PRIM2: variants seen among roughly 807,000 people sequenced by gnomAD.
The protein encoded by PRIM2 is DNA primase large subunit.
A neutral mutation model predicts 67.3 loss-of-function variants in PRIM2; 39 were observed. That is an observed-to-expected ratio of 0.58 (90% CI 0.45 to 0.76). The LOEUF is 0.76. PRIM2 is among the 30% of genes least tolerant of loss of function. PRIM2 has a pLI of 0.00. For synonymous variants in PRIM2, 143 were observed against 198.7 expected (o/e 0.72, Z 2.36); for missense variants, 398 against 598.7 (o/e 0.66, Z 3.50).
At chr6:57,452,142 C>T (rs1257805253) in intron 7 of PRIM2, among the ~76,000 whole-genome samples, 4 of 152,144 alleles carry the variant, frequency 2.6e-5, no homozygotes, top group East Asian at 1.9e-4. Flanking sequence ...CATAGTATTC[C>T]GTGGTATATA....
chr6:57,578,371 C>T (rs1231655041), intron 10 of PRIM2, among the ~76,000 whole-genome samples: 1 of 152,044 alleles, frequency 6.6e-6, no homozygotes, highest in Non-Finnish European at 1.5e-5. Flanking sequence ...GTCATCCCTC[C>T]ATGGATCTTG....
At chr6:57,543,799 G>A (rs1775229163) in intron 10 of PRIM2, among the ~76,000 whole-genome samples, 1 of 151,980 alleles carries the variant, frequency 6.6e-6, no homozygotes, top group East Asian at 1.9e-4. Flanking sequence ...ACTTAATGTT[G>A]GAGGGGAATG....
intron 3 of PRIM2, among the ~76,000 whole-genome samples, chr6:57,323,963 T>C (rs950126584): frequency 6.6e-6 from 1 of 151,924 alleles, no homozygotes; most frequent in African/African-American, 2.4e-5. Flanking sequence ...GTGTCGCTTG[T>C]AGTCCCAGCT....
At chr6:57,606,574 A>C (rs1776566671) in intron 12 of PRIM2, 117 bp downstream of exon 12, 2 of 624,922 alleles carry the variant, frequency 3.2e-6, no homozygotes, top group African/African-American at 3.7e-5. Flanking sequence ...CACACCAGAC[A>C]TCTTATCTTC....
At chr6:57,603,726 T>C (rs1776512482) in intron 11 of PRIM2, among the ~76,000 whole-genome samples, 1 of 151,530 alleles carries the variant, frequency 6.6e-6, no homozygotes, top group Non-Finnish European at 1.5e-5. Flanking sequence ...AAAAATGACA[T>C]TGGTAGTTTG....
At chr6:57,629,150 A>G (rs1217966704) in intron 12 of PRIM2, among the ~76,000 whole-genome samples, 1 of 152,184 alleles carries the variant, frequency 6.6e-6, no homozygotes, top group Admixed American at 6.5e-5. Context: ...CATATTGGAA[A>G]AATTTAACAA....
chr6:57,639,945 T>A lies in PRIM2; in HGVS notation c.1300-5983T>A, dbSNP rs1477929016. 1.4e-3 allele frequency among the ~76,000 whole-genome samples: 212 copies of A among 151,890 alleles called. 5 individuals carry two copies. The South Asian group carries it at 0.042, about 30-fold the overall frequency. On this transcript the variant is annotated intron_variant, in intron 13 of 13. Coordinates refer to ENST00000615550, the MANE Select transcript of PRIM2 (RefSeq NM_000947.5). ...AGACACAACAAAAAAAGAAAATTTCTGGCCAATATCCCTGGTGAACATCGA... is the reference window on the plus strand; with the variant it reads ...AGACACAACAAAAAAAGAAAATTTCAGGCCAATATCCCTGGTGAACATCGA...
At chr6:57,457,287 C>T (rs1772826989) in intron 7 of PRIM2, among the ~76,000 whole-genome samples, 1 of 152,218 alleles carries the variant, frequency 6.6e-6, no homozygotes, top group Admixed American at 6.5e-5. Context: ...CAGCTGCGTG[C>T]TGGGAGAACC....
intron 10 of PRIM2, among the ~76,000 whole-genome samples, chr6:57,579,107 A>T (rs1306229470): frequency 1.3e-5 from 2 of 152,082 alleles, no homozygotes; most frequent in East Asian, 3.9e-4. Context: ...TTAAAAAAAT[A>T]AATTAGCCAT....
At chr6:57,358,641 T>C (rs1246841448) in intron 5 of PRIM2, among the ~76,000 whole-genome samples, 1 of 152,202 alleles carries the variant, frequency 6.6e-6, no homozygotes, top group Non-Finnish European at 1.5e-5. Context: ...TGCATATTAT[T>C]TTTGAAGTGT....
intron 9 of PRIM2, 140 bp from the exon 10 acceptor site, chr6:57,537,300 A>C: frequency 9.0e-6 from 4 of 444,814 alleles, no homozygotes; most frequent in African/African-American, 8.0e-5. Context: ...AGTCATCTGT[A>C]ACCACAGTAA....
chr6:57,420,538 T>TC, intron 7 of PRIM2, among the ~76,000 whole-genome samples: 1 of 152,276 alleles, frequency 6.6e-6, no homozygotes, highest in South Asian at 2.1e-4. Flanking sequence ...TCCCAACAAT[T>TC]CTGTGAGCTT....
intron 5 of PRIM2, among the ~76,000 whole-genome samples, chr6:57,332,958 G>A (rs748612527): frequency 1.3e-5 from 2 of 151,804 alleles, no homozygotes; most frequent in Non-Finnish European, 2.9e-5. Context: ...CTCCATTACT[G>A]CCTTCTTTGT....
chr6:57,272,432 G>A, the PRIM2 span, among the ~76,000 whole-genome samples: 14 of 152,078 alleles, frequency 9.2e-5, no homozygotes, highest in African/African-American at 2.9e-4. Flanking sequence ...TGTTTTATCA[G>A]AGACTAGGAT....
chr6:57,516,162 G>A (rs1554348241), intron 8 of PRIM2, among the ~76,000 whole-genome samples: 1 of 151,780 alleles, frequency 6.6e-6, no homozygotes, highest in Non-Finnish European at 1.5e-5. Context: ...AGGCCCGTGC[G>A]ATTAGATCAG....
rs1455571025 is a variant in PRIM2 at position 57,320,498 on chromosome 6, G to A, written c.196G>A (p.Gly66Arg). 2.5e-6 allele frequency: 4 copies of A among 1,610,140 alleles called. No homozygotes were observed. The highest frequency in any genetic ancestry group is 3.4e-6 in the Non-Finnish European group (4 of 1,178,976). ...VENLGVSYVKGTEQYQSKLES... is the reference protein window; with the variant it reads ...VENLGVSYVKRTEQYQSKLES... ...AAATCTTGGAGTGAGCTATGTGAAAGGAACTGAACAATACCAGAGTAAGTT... is the reference window on the plus strand; with the variant it reads ...AAATCTTGGAGTGAGCTATGTGAAAAGAACTGAACAATACCAGAGTAAGTT... The change falls in exon 3 of 14, where the codon GGA (glycine) becomes AGA (arginine). Residue 66 changes from glycine (G) to arginine (R), a missense_variant. By Grantham distance (125) the Gly-to-Arg change is moderately radical. Around this residue, in one of 4 missense-constraint regions of PRIM2, gnomAD observed 96 missense variants for 98.3 expected, o/e 0.98. Transcript: ENST00000615550.
intron 7 of PRIM2, among the ~76,000 whole-genome samples, chr6:57,486,123 A>G (rs1397485756): frequency 0.07 from 10,679 of 152,230 alleles, 525 homozygotes; most frequent in East Asian, 0.2. Flanking sequence ...AGTGGAGGAG[A>G]TGTCATTCAG....
chr6:57,575,447 G>A (rs1165491321), intron 10 of PRIM2, among the ~76,000 whole-genome samples: 3 of 152,182 alleles, frequency 2.0e-5, no homozygotes, highest in Non-Finnish European at 4.4e-5. Context: ...GTAAATAGCT[G>A]AGAGGTGTTA....
At chr6:57,595,540 G>A (rs1286037221) in intron 10 of PRIM2, among the ~76,000 whole-genome samples, 1 of 152,130 alleles carries the variant, frequency 6.6e-6, no homozygotes, top group Admixed American at 6.6e-5. Context: ...CAAGCAGTAG[G>A]TTCCCAGGTC....
Sources: gnomAD v4.1 joint callset for allele counts (sites outside exome capture counted in the v4.1 genomes callset) on GRCh38, gnomAD v4.1.1 for gene constraint, gnomAD v4.1.1 regional missense constraint, MANE v1.5 for transcripts, NCBI Gene and HGNC (gene_info 2026-07-23, HGNC 2026-07-21) for gene names.